The following RSF1 variants were observed in gnomAD, a reference collection of about 807,000 sequenced individuals.
The protein encoded by RSF1 is HBV pX-associated protein 8.
In RSF1, 13 loss-of-function variants were observed where a neutral mutation model predicts 145.2. The ratio of observed to expected loss-of-function variants is 0.09; its 90% CI spans 0.06 to 0.14. The LOEUF is 0.14. RSF1 is among the 10% of genes least tolerant of loss of function. The pLI is 1.00. For missense variants in RSF1, 1,517 were observed against 1,718.2 expected (o/e 0.88, Z 2.07); for synonymous variants, 577 against 592.6 (o/e 0.97, Z 0.38).
intron 2 of RSF1, among the ~76,000 whole-genome samples, chr11:77,749,750 A>G (rs1948040935): frequency 6.6e-6 from 1 of 151,960 alleles, no homozygotes; most frequent in African/African-American, 2.4e-5. Context: ...TAAATTTACT[A>G]CTCATTTTGT....
At chr11:77,721,399 A>G (rs1213891699) in intron 5 of RSF1, among the ~76,000 whole-genome samples, 1 of 152,256 alleles carries the variant, frequency 6.6e-6, no homozygotes, top group East Asian at 1.9e-4. Context: ...CAAGAACTAC[A>G]TCTGAGAGGA....
intron 11 of RSF1, among the ~76,000 whole-genome samples, chr11:77,681,721 A>G (rs987675196): frequency 6.6e-6 from 1 of 152,228 alleles, no homozygotes; most frequent in Non-Finnish European, 1.5e-5. Context: ...GTGTTATAAT[A>G]AAACTATAGC....
chr11:77,697,702 T>C (rs981765023), intron 7 of RSF1, among the ~76,000 whole-genome samples: 1 of 151,358 alleles, frequency 6.6e-6, no homozygotes, highest in African/African-American at 2.4e-5. Context: ...AAATTTTTTA[T>C]GTTAAAAAAA....
At chr11:77,851,555 A>G in the RSF1 span, 1 of 152,016 alleles carries the variant, frequency 6.6e-6, no homozygotes, top group African/African-American at 2.4e-5. Context: ...CCAATGTTGG[A>G]GGTGGGGCTT....
intron 7 of RSF1, 49 bp downstream of exon 7, chr11:77,698,438 C>T (rs777522327): frequency 6.5e-7 from 1 of 1,536,244 alleles, no homozygotes; most frequent in South Asian, 1.1e-5. Context: ...TCCAGGCAAC[C>T]TCACCATGTC....
At chr11:77,689,016 G>T (rs891636505) in intron 9 of RSF1, among the ~76,000 whole-genome samples, 3 of 152,168 alleles carry the variant, frequency 2.0e-5, no homozygotes, top group African/African-American at 7.2e-5. Flanking sequence ...AAATTTGGAG[G>T]GCGAGACTAT....
chr11:77,832,268 T>A, the RSF1 span, among the ~76,000 whole-genome samples: 1 of 152,270 alleles, frequency 6.6e-6, no homozygotes, highest in East Asian at 1.9e-4. Context: ...TTGATTCTCA[T>A]ATATAAATTT....
chr11:77,673,674 G>A (rs958337356), intron 14 of RSF1, among the ~76,000 whole-genome samples: 1 of 152,106 alleles, frequency 6.6e-6, no homozygotes, highest in Non-Finnish European at 1.5e-5. Context: ...AAAACTAGCA[G>A]GTGAAATATA....
the RSF1 span, chr11:77,841,177 A>C: frequency 5.7e-6 from 4 of 701,710 alleles, no homozygotes; most frequent in Non-Finnish European, 1.0e-5. Context: ...ATAACAGCAT[A>C]ATCTATTCAT....
At chr11:77,855,772 C>G in the RSF1 span, among the ~76,000 whole-genome samples, 3 of 142,720 alleles carry the variant, frequency 2.1e-5, no homozygotes, top group East Asian at 4.1e-4. Context: ...CTAGAGGCAG[C>G]CAGACCATGT....
chr11:77,793,424 C>T (rs1948540540), intron 1 of RSF1, among the ~76,000 whole-genome samples: 1 of 152,086 alleles, frequency 6.6e-6, no homozygotes, highest in Non-Finnish European at 1.5e-5. Flanking sequence ...TTTAAGGCTG[C>T]AGTAAGCCGT....
At chr11:77,735,438 AT>A (rs1353955578) in intron 4 of RSF1, among the ~76,000 whole-genome samples, 1 of 152,168 alleles carries the variant, frequency 6.6e-6, no homozygotes, top group Non-Finnish European at 1.5e-5. Flanking sequence ...AAATTTATCA[AT>A]CATTAAGAAG....
rs1381979355 is a variant in RSF1, at chr11:77,676,272, A to C, written c.3341+520T>G. 2.0e-5 allele frequency among the ~76,000 whole-genome samples: 3 copies of C among 148,142 alleles called. No individual in the cohort carries two copies. The Admixed American group carries it at 2.0e-4, about 10-fold the overall frequency. ...CCCTGTATTTTAGTAGCAGTTATGC[A>C]GAATGACTTTTTTTTTTTTTTGTGG... On this transcript the variant is annotated intron_variant, in intron 13 of 15. Coordinates refer to ENST00000308488, the MANE Select transcript of RSF1 (RefSeq NM_016578.4).
intron 2 of RSF1, among the ~76,000 whole-genome samples, chr11:77,758,301 A>C (rs1317316555): frequency 6.6e-6 from 1 of 152,194 alleles, no homozygotes; most frequent in Non-Finnish European, 1.5e-5. Context: ...AGTCCAATTC[A>C]TCTTTCTTTT....
At chr11:77,829,140 G>T in the RSF1 span, among the ~76,000 whole-genome samples, 1 of 152,138 alleles carries the variant, frequency 6.6e-6, no homozygotes, top group Non-Finnish European at 1.5e-5. Flanking sequence ...TGAGGGTGGG[G>T]CCCTAATGTG....
intron 1 of RSF1, among the ~76,000 whole-genome samples, chr11:77,782,060 T>C (rs144828547): frequency 2.2e-3 from 340 of 152,362 alleles, no homozygotes; most frequent in African/African-American, 7.3e-3. Flanking sequence ...TTGAGTATCA[T>C]TTTCCATCCT....
chr11:77,677,626 A>C (rs908747985), intron 12 of RSF1, among the ~76,000 whole-genome samples: 1 of 152,220 alleles, frequency 6.6e-6, no homozygotes, highest in Non-Finnish European at 1.5e-5. Flanking sequence ...ATAGTGCTTT[A>C]ATTAAATTAC....
chr11:77,704,994 G>A lies in RSF1; in HGVS notation c.734-2499C>T, dbSNP rs566418220. Among the ~76,000 whole-genome samples the A allele has an allele frequency of 8.5e-5, 13 of 152,122 alleles. No homozygotes were observed. The South Asian group carries it at 2.1e-3, about 24-fold the overall frequency. On this transcript the variant is annotated intron_variant, in intron 5 of 15. Transcript: ENST00000308488. ...TCGAACTCCTGACTGCAGGTGATCCGCCCACCTTGGCCTCCCAAAATGCTG... is the reference window on the plus strand; with the variant it reads ...TCGAACTCCTGACTGCAGGTGATCCACCCACCTTGGCCTCCCAAAATGCTG...
chr11:77,679,997 T>C (rs1174095725), intron 11 of RSF1, among the ~76,000 whole-genome samples: 1 of 152,164 alleles, frequency 6.6e-6, no homozygotes, highest in Admixed American at 6.5e-5. Context: ...AAAATTCTGT[T>C]CCTCACTAGA....
Sources: gnomAD v4.1 joint callset for allele counts (sites outside exome capture counted in the v4.1 genomes callset) on GRCh38, gnomAD v4.1.1 for gene constraint, MANE v1.5 for transcripts, NCBI Gene and HGNC (gene_info 2026-07-23, HGNC 2026-07-21) for gene names.